Variants in MCC observed in about 807,000 individuals in gnomAD.
MCC encodes MCC regulator of Wnt signaling pathway.
Under a neutral mutation model 116.2 loss-of-function variants are expected in MCC, and 90 were observed. That is an observed-to-expected ratio of 0.77 (90% confidence interval 0.65 to 0.92). MCC has a LOEUF of 0.92. Ranked by LOEUF, MCC falls within the 40% of genes least tolerant of loss-of-function variation. The probability of loss-of-function intolerance (pLI) is 0.00; values close to 1 mark genes in which losing one functional copy is unlikely to be tolerated. For missense variants in MCC, 1,516 were observed against 1,312.2 expected, an observed-to-expected ratio of 1.16 and a Z score of -2.40; for synonymous variants, 578 against 510.5, an observed-to-expected ratio of 1.13 and a Z score of -1.78.
At chr5:113,255,865 C>T (rs921043456) in intron 3 of MCC, among the ~76,000 whole-genome samples, 20 of 152,244 alleles carry the variant, frequency 1.3e-4, no homozygotes, top group African/African-American at 3.6e-4. Flanking sequence ...TGTAGGACTA[C>T]GTTATGCAAG....
chr5:113,063,311 A>G (rs1333281408), intron 14 of MCC, among the ~76,000 whole-genome samples: 1 of 152,244 alleles, frequency 6.6e-6, no homozygotes, highest in Non-Finnish European at 1.5e-5. Flanking sequence ...CATCCAAAGA[A>G]TGAAATGACT....
At chr5:113,293,609 C>CT (rs1766594945) in intron 3 of MCC, among the ~76,000 whole-genome samples, 1 of 152,210 alleles carries the variant, frequency 6.6e-6, no homozygotes, top group Non-Finnish European at 1.5e-5. Flanking sequence ...CTTTGGGCAT[C>CT]TTACCGCTCA....
At chr5:113,226,319 CA>C (rs1223873370) in intron 3 of MCC, among the ~76,000 whole-genome samples, 49 of 152,148 alleles carry the variant, frequency 3.2e-4, no homozygotes, top group African/African-American at 1.2e-3. Flanking sequence ...CAATGACTCA[CA>C]AGGGATGAAT....
chr5:113,381,308 G>A (rs1288120355), intron 2 of MCC, among the ~76,000 whole-genome samples: 2 of 152,162 alleles, frequency 1.3e-5, no homozygotes, highest in East Asian at 1.9e-4. Flanking sequence ...TTATCTGGGA[G>A]ACTAGTAAGC....
chr5:113,289,086 A>C (rs535966831), intron 3 of MCC, among the ~76,000 whole-genome samples: 1 of 152,146 alleles, frequency 6.6e-6, no homozygotes. Flanking sequence ...CAATCCCAAC[A>C]CTTTGGGAGG....
chr5:113,485,305 G>T (rs1272457583), intron 1 of MCC, among the ~76,000 whole-genome samples: 1 of 152,170 alleles, frequency 6.6e-6, no homozygotes, highest in African/African-American at 2.4e-5. Context: ...CTTGAATGTG[G>T]ATTATCATGG....
At chr5:113,371,663 C>G (rs1768839530) in intron 2 of MCC, among the ~76,000 whole-genome samples, 1 of 152,184 alleles carries the variant, frequency 6.6e-6, no homozygotes, top group African/African-American at 2.4e-5. Context: ...AAACCATACA[C>G]AATTCTTCCA....
intron 3 of MCC, among the ~76,000 whole-genome samples, chr5:113,278,481 G>A (rs768380157): frequency 1.2e-4 from 18 of 152,208 alleles, no homozygotes; most frequent in Non-Finnish European, 2.4e-4. Flanking sequence ...GGGAACACAG[G>A]AGAGGAGATG....
In MCC at chr5:113,333,846, T is replaced by TATATGTACATATATGTATATATGTAC. The variant is rs1767795222; in HGVS notation, c.627+6672_627+6673insGTACATATATACATATATGTACATAT. Among the ~76,000 whole-genome samples the TATATGTACATATATGTATATATGTAC allele has an allele frequency of 1.8e-3, 111 of 62,616 alleles. 20 individuals carry two copies. The highest frequency in any genetic ancestry group is 3.9e-3 in the African/African-American group (57 of 14,470). The allele number at this position is 62,616 out of a possible 152,430, so 41.1% of individuals were successfully genotyped here. ...ATATATGTATATATGTATATATGTA[T>TATATGTACATATATGTATATATGTAC]ATATGTACATATATGTATATATGTA... On this transcript the variant is annotated intron_variant, in intron 3 of 18. Coordinates refer to ENST00000408903, the MANE Select transcript of MCC (RefSeq NM_001085377.2).
chr5:113,152,984 T>C (rs971507800), intron 3 of MCC, among the ~76,000 whole-genome samples: 2 of 152,178 alleles, frequency 1.3e-5, no homozygotes. Flanking sequence ...GTGTTCCCGT[T>C]GTATAGTCTT....
intron 3 of MCC, among the ~76,000 whole-genome samples, chr5:113,208,302 T>C (rs1762992732): frequency 2.0e-5 from 3 of 152,156 alleles, no homozygotes; most frequent in Non-Finnish European, 4.4e-5. Context: ...ATGGCACACT[T>C]TGTGAGAAGG....
intron 2 of MCC, among the ~76,000 whole-genome samples, chr5:113,342,323 T>G (rs1232786352): frequency 6.6e-6 from 1 of 152,244 alleles, no homozygotes; most frequent in African/African-American, 2.4e-5. Flanking sequence ...ATCTTTTTCA[T>G]ATAATGACAC....
intron 3 of MCC, among the ~76,000 whole-genome samples, chr5:113,325,118 G>T: frequency 6.6e-6 from 1 of 152,228 alleles, no homozygotes; most frequent in East Asian, 1.9e-4. Context: ...TATATTACAG[G>T]CATGAGCCAC....
At chr5:113,331,852 G>A (rs1024082683) in intron 3 of MCC, among the ~76,000 whole-genome samples, 1 of 151,476 alleles carries the variant, frequency 6.6e-6, no homozygotes, top group East Asian at 1.9e-4. Context: ...TAACCAGGCC[G>A]GTCTTGAACT....
chr5:113,159,463 G>A (rs1264168475), intron 3 of MCC, among the ~76,000 whole-genome samples: 1 of 152,182 alleles, frequency 6.6e-6, no homozygotes, highest in African/African-American at 2.4e-5. Flanking sequence ...CTTCATTGTA[G>A]AGAAATGAAA....
At chr5:113,244,034 A>G (rs546165282) in intron 3 of MCC, among the ~76,000 whole-genome samples, 6 of 152,352 alleles carry the variant, frequency 3.9e-5, no homozygotes, top group African/African-American at 1.2e-4. Context: ...GATCCATTCT[A>G]CACTGCAGGC....
Position 113,396,202 on chromosome 5 carries a change from C to T in MCC, c.171-10990G>A, listed in dbSNP as rs1324191108. 5.3e-5 allele frequency among the ~76,000 whole-genome samples: 8 copies of T among 152,102 alleles called. No individual in the cohort carries two copies. In the East Asian group the frequency reaches 5.8e-4, roughly 11 times the overall value. On this transcript the variant is annotated intron_variant, in intron 1 of 18. Coordinates refer to ENST00000408903, the MANE Select transcript of MCC (RefSeq NM_001085377.2). ...CATTAGCTGGGTATGGTGGCATATG[C>T]CTGTAGTCCCGGCTACTTGGGAGGC...
intron 3 of MCC, among the ~76,000 whole-genome samples, chr5:113,187,736 CTGAG>C (rs1481327808): frequency 2.3e-5 from 3 of 133,060 alleles, no homozygotes; most frequent in Non-Finnish European, 4.7e-5. Flanking sequence ...GCCTGGGCGA[CTGAG>C]TGAGACTCCA....
intron 17 of MCC, among the ~76,000 whole-genome samples, chr5:113,035,278 G>C (rs555094001): frequency 6.6e-6 from 1 of 152,220 alleles, no homozygotes; most frequent in South Asian, 2.1e-4. Context: ...CTTGACATCT[G>C]TTCAACAGCA....
Sources: gnomAD v4.1 joint callset for allele counts (sites outside exome capture counted in the v4.1 genomes callset) on GRCh38, gnomAD v4.1.1 for gene constraint, MANE v1.5 for transcripts, NCBI Gene and HGNC (gene_info 2026-07-23, HGNC 2026-07-21) for gene names.